Variants in HPSE2 observed in about 807,000 individuals in gnomAD.
HPSE2 encodes inactive heparanase-2.
In HPSE2, 38 loss-of-function variants were observed where a neutral mutation model predicts 60.5. That is an observed-to-expected ratio of 0.63 (90% CI 0.48 to 0.82). HPSE2 has a LOEUF of 0.82. Among genes scored for constraint, HPSE2 ranks in the 40% least tolerant of loss-of-function variants. The pLI, the probability that HPSE2 is intolerant of heterozygous loss-of-function variation, is 0.00. For missense variants in HPSE2, 713 were observed against 740.4 expected (o/e 0.96, Z 0.43); for synonymous variants, 295 against 293.2 (o/e 1.01, Z -0.06).
chr10:98,593,206 C>T (rs1484410900), intron 9 of HPSE2, among the ~76,000 whole-genome samples: 4 of 152,060 alleles, frequency 2.6e-5, no homozygotes, highest in African/African-American at 7.2e-5. Flanking sequence ...AATCAAAGTG[C>T]TATGAAAGAA....
intron 3 of HPSE2, among the ~76,000 whole-genome samples, chr10:98,878,509 G>C (rs1285617032): frequency 1.3e-5 from 2 of 151,920 alleles, no homozygotes; most frequent in Non-Finnish European, 2.9e-5. Context: ...GTAAAAGAAT[G>C]TTCCAGACTG....
At chr10:98,780,554 A>G (rs1332769117) in intron 3 of HPSE2, among the ~76,000 whole-genome samples, 1 of 152,116 alleles carries the variant, frequency 6.6e-6, no homozygotes, top group African/African-American at 2.4e-5. Context: ...TTTCATTCCA[A>G]CTACAGCAGG....
intron 5 of HPSE2, among the ~76,000 whole-genome samples, chr10:98,717,342 C>T (rs1565105003): frequency 2.0e-5 from 3 of 152,118 alleles, no homozygotes; most frequent in South Asian, 2.1e-4. Flanking sequence ...TAAAGTAGCA[C>T]TTTTAATTTC....
chr10:99,234,856 GGC>G (rs1015466291), intron 1 of HPSE2, among the ~76,000 whole-genome samples: 6 of 152,108 alleles, frequency 3.9e-5, no homozygotes, highest in Middle Eastern at 3.4e-3. Flanking sequence ...AGGAGGAACT[GGC>G]GGGGGGAGGG....
chr10:98,480,655 C>A (rs1941201575), intron 11 of HPSE2, among the ~76,000 whole-genome samples: 1 of 152,182 alleles, frequency 6.6e-6, no homozygotes, highest in Non-Finnish European at 1.5e-5. Flanking sequence ...AAAAATGCTA[C>A]CCTTGACTAT....
At chr10:99,274,220 G>A in the HPSE2 span, among the ~76,000 whole-genome samples, 14 of 150,614 alleles carry the variant, frequency 9.3e-5, no homozygotes, top group Non-Finnish European at 1.6e-4. Context: ...GGTGGCCTGC[G>A]CCTGTAATCC....
chr10:98,658,902 T>C lies in HPSE2; in HGVS notation c.1005-16962A>G, dbSNP rs1947148796. ...TTTCTTTTGTATGTATCTTGATTGA[T>C]ACTGGCAGAGTTTTTTTTTTTTTTT... On this transcript the variant is annotated intron_variant, in intron 6 of 11. Transcript: ENST00000370552. Among the ~76,000 whole-genome samples the C allele has an allele frequency of 2.0e-5, 3 of 148,950 alleles. No homozygotes were observed. The South Asian group carries it at 6.4e-4, about 32-fold the overall frequency.
chr10:99,150,000 C>T (rs1399684600), intron 2 of HPSE2, among the ~76,000 whole-genome samples: 5 of 151,952 alleles, frequency 3.3e-5, no homozygotes, highest in Non-Finnish European at 5.9e-5. Context: ...GAGTTCCAAA[C>T]TTGGGTCCAA....
intron 9 of HPSE2, among the ~76,000 whole-genome samples, chr10:98,609,824 G>GTTCTTC (rs1260928934): frequency 0.037 from 5,256 of 142,160 alleles, 444 homozygotes; most frequent in African/African-American, 0.13. Flanking sequence ...ATTAGGTGGT[G>GTTCTTC]TTCTTCTTCT....
intron 7 of HPSE2, among the ~76,000 whole-genome samples, chr10:98,624,926 T>C (rs1429185289): frequency 6.6e-6 from 1 of 152,232 alleles, no homozygotes. Context: ...CAATTATTCT[T>C]ACGGTTTGGT....
At chr10:99,005,497 G>A (rs1317150297) in intron 3 of HPSE2, among the ~76,000 whole-genome samples, 1 of 152,002 alleles carries the variant, frequency 6.6e-6, no homozygotes, top group Non-Finnish European at 1.5e-5. Context: ...ATTTCTGTTT[G>A]ACTTTTAAAA....
chr10:99,006,803 G>A (rs1288865720), intron 3 of HPSE2, among the ~76,000 whole-genome samples: 1 of 152,200 alleles, frequency 6.6e-6, no homozygotes, highest in Non-Finnish European at 1.5e-5. Flanking sequence ...GGGCTGCTGG[G>A]GTAGGCCTGG....
intron 2 of HPSE2, among the ~76,000 whole-genome samples, chr10:99,160,743 C>CA (rs962526022): frequency 9.9e-5 from 15 of 150,814 alleles, no homozygotes; most frequent in Admixed American, 7.9e-4. Context: ...ACTAAAAATA[C>CA]AAAAAATTAG....
intron 6 of HPSE2, among the ~76,000 whole-genome samples, chr10:98,648,158 A>G (rs956944385): frequency 2.0e-5 from 3 of 152,176 alleles, no homozygotes; most frequent in African/African-American, 7.2e-5. Context: ...AACTCTTTGC[A>G]CACTTTGGGT....
chr10:98,643,258 A>G (rs994793457), intron 6 of HPSE2, among the ~76,000 whole-genome samples: 10 of 152,208 alleles, frequency 6.6e-5, no homozygotes, highest in Admixed American at 5.9e-4. Flanking sequence ...TTATTCTTAA[A>G]TGGGGGATAA....
chr10:99,117,431 A>AC (rs1564820904), intron 3 of HPSE2, among the ~76,000 whole-genome samples: 1 of 133,998 alleles, frequency 7.5e-6, no homozygotes, highest in African/African-American at 2.6e-5. Flanking sequence ...AAAAAAAAAA[A>AC]AAAAAAAAAA....
Position 99,144,390 on chromosome 10 carries a change from C to T in HPSE2, c.458G>A (p.Arg153Gln), listed in dbSNP as rs767173222. The T allele has an allele frequency of 5.6e-6, 9 of 1,613,302 alleles. No individual in the cohort carries two copies. The highest frequency in any genetic ancestry group is 3.3e-5 in the South Asian group (3 of 91,054). Residue 153 changes from arginine (R) to glutamine (Q), a missense_variant, in exon 3 of 12, where the codon CGA (arginine) becomes CAA (glutamine). Transcript: ENST00000370552. ...YLKNYEDDIV[R>Q]SDVALDKQKG... ...CTGTTTATCTAAGGCAACATCACTT[C>T]GAACAATGTCTACAAAAAGAAAGAA...
chr10:98,696,653 A>G (rs1326374127), intron 5 of HPSE2, among the ~76,000 whole-genome samples: 3 of 152,256 alleles, frequency 2.0e-5, no homozygotes, highest in African/African-American at 7.2e-5. Flanking sequence ...AGTCTGCTTA[A>G]GCCTGCTGAC....
intron 3 of HPSE2, among the ~76,000 whole-genome samples, chr10:98,837,873 CA>C (rs71488870): frequency 1.1e-3 from 146 of 134,936 alleles, no homozygotes; most frequent in Admixed American, 1.7e-3. Context: ...GACTCCATCT[CA>C]AAAAAAAAAA....
Sources: allele counts gnomAD v4.1 joint callset (sites outside exome capture counted in the v4.1 genomes callset), GRCh38; gene constraint gnomAD v4.1.1; transcripts MANE v1.5; gene names NCBI Gene and HGNC (gene_info 2026-07-23, HGNC 2026-07-21).